DGKE: variants seen among roughly 807,000 people sequenced by gnomAD.
The protein encoded by DGKE is DAG kinase epsilon.
Under a neutral mutation model 70.0 loss-of-function variants are expected in DGKE, and 53 were observed. The observed-to-expected ratio is 0.76, with a 90% CI of 0.61 to 0.95. The LOEUF is 0.95. Among genes scored for constraint, DGKE ranks in the 40% least tolerant of loss-of-function variants. DGKE has a pLI of 0.00. For synonymous variants in DGKE, 291 were observed against 257.0 expected (o/e 1.13, Z -1.27); for missense variants, 655 against 706.9 (o/e 0.93, Z 0.83).
At position 56,835,095 on chromosome 17, in the gene DGKE, G is replaced by C. The variant is rs969844522; in HGVS notation, c.300G>C (p.Arg100Ser). Reference sequence around the variant, plus strand: ...TCCGCGTGGACGAGGGCTGCCTCAGGAAGGCCGACAAGCGCTTCCAGTGCA... The same window carrying C: ...TCCGCGTGGACGAGGGCTGCCTCAGCAAGGCCGACAAGCGCTTCCAGTGCA... ...CGLRVDEGCL[R>S]KADKRFQCKE... Residue 100 changes from arginine (R) to serine (S), a missense_variant, in exon 2 of 12, where the codon AGG becomes AGC. Physicochemically the swap from Arg to Ser is moderately radical, Grantham distance 110. Transcript: ENST00000284061. 3 of 1,613,674 alleles carry C rather than the reference G, an allele frequency of 1.9e-6. No individual in the cohort carries two copies. The highest frequency in any genetic ancestry group is 1.7e-5 in the Admixed American group (1 of 60,018).
At chr17:56,859,446 G>A (rs1908155342) in intron 9 of DGKE, among the ~76,000 whole-genome samples, 1 of 150,142 alleles carries the variant, frequency 6.7e-6, no homozygotes, top group Non-Finnish European at 1.5e-5. Flanking sequence ...TTGAGATGGA[G>A]TCTCACTCTG....
intron 9 of DGKE, among the ~76,000 whole-genome samples, chr17:56,860,876 A>G (rs1356626538): frequency 6.6e-6 from 1 of 152,214 alleles, no homozygotes; most frequent in East Asian, 1.9e-4. Flanking sequence ...GATGGACAGA[A>G]GTCAAATCAC....
At position 56,863,756 on chromosome 17, in the gene DGKE, CTT is replaced by C. The variant is rs1293818536; in HGVS notation, c.*967_*968del. ...CTTAGGGAGGTAAGTGGACAGAAAT[CTT>C]TGCTAAAATGTTTATATCATATTTA... On this transcript the variant is annotated 3_prime_UTR_variant, in exon 12 of 12. Coordinates refer to ENST00000284061, the MANE Select transcript of DGKE (RefSeq NM_003647.3). The C allele has an allele frequency of 6.6e-6, 1 of 152,068 alleles. No individual in the cohort carries two copies. The highest frequency in any genetic ancestry group is 1.5e-5 in the Non-Finnish European group (1 of 68,012). The allele number at this position is 152,068 out of a possible 1,614,324, so 9.4% of individuals were successfully genotyped here.
At position 56,861,894 on chromosome 17, in the gene DGKE, G is replaced by C; in HGVS notation, c.1388G>C (p.Gly463Ala). ...GGGCRLWEGM[G>A]DETYPLARHD... The stretch of plus-strand genomic sequence containing the variant: ...GGCTGCAGACTATGGGAAGGGATGG[G>C]GGACGAGACTTACCCTCTAGCCAGG... Residue 463 changes from glycine (G) to alanine (A), a missense_variant, in exon 10 of 12, where the codon GGG becomes GCG. Transcript: ENST00000284061. 6.2e-7 allele frequency: 1 copy of C among 1,611,776 alleles called. No individual in the cohort carries two copies. Among genetic ancestry groups the C allele is most frequent in the Non-Finnish European group, 8.5e-7 (1 of 1,179,558 alleles).
intron 2 of DGKE, among the ~76,000 whole-genome samples, chr17:56,839,785 T>C (rs1262474498): frequency 2.0e-5 from 3 of 152,154 alleles, no homozygotes; most frequent in Non-Finnish European, 4.4e-5. Context: ...CCTCCCAAAG[T>C]GCTGGGATTG....
intron 3 of DGKE, among the ~76,000 whole-genome samples, chr17:56,844,994 T>A (rs1418347824): frequency 1.3e-5 from 2 of 152,160 alleles, no homozygotes; most frequent in Admixed American, 1.3e-4. Context: ...CATTTTAAAT[T>A]TTTCAAACAA....
At chr17:56,853,177 A>G (rs1023084558) in intron 7 of DGKE, among the ~76,000 whole-genome samples, 5 of 152,224 alleles carry the variant, frequency 3.3e-5, no homozygotes, top group Non-Finnish European at 7.3e-5. Flanking sequence ...AGTTCCTTCT[A>G]CATTTTGGAG....
At chr17:56,857,372 C>T (rs757587587) in intron 8 of DGKE, among the ~76,000 whole-genome samples, 2 of 152,288 alleles carry the variant, frequency 1.3e-5, no homozygotes, top group Non-Finnish European at 2.9e-5. Flanking sequence ...CAGCTTTGAA[C>T]TAAGGTCATC....
chr17:56,862,399 G>C, intron 11 of DGKE, 148 bp downstream of exon 11: 1 of 899,468 alleles, frequency 1.1e-6, no homozygotes, highest in East Asian at 2.7e-5. Context: ...AGAGTGGGAT[G>C]AGGAAGAAAC....
intron 4 of DGKE, among the ~76,000 whole-genome samples, chr17:56,846,601 GAATAT>G (rs1907301080): frequency 6.6e-6 from 1 of 151,848 alleles, no homozygotes; most frequent in Non-Finnish European, 1.5e-5. Flanking sequence ...CGTTAAAATT[GAATAT>G]AATTTTACTT....
chr17:56,848,692 C>T lies in DGKE; in HGVS notation c.889-4C>T. ...AAATCTAAAACATATCTTCCATATT[C>T]TAGGGACAAGAAAAGTACATTCCAC... On this transcript the variant is annotated splice_region_variant and splice_polypyrimidine_tract_variant and intron_variant, in intron 5 of 11. Coordinates refer to ENST00000284061, the MANE Select transcript of DGKE (RefSeq NM_003647.3). 5 of 1,613,378 alleles carry T rather than the reference C, an allele frequency of 3.1e-6. No homozygotes were observed. The highest frequency in any genetic ancestry group is 4.2e-6 in the Non-Finnish European group (5 of 1,179,642).
chr17:56,844,783 T>C (rs78741185), intron 3 of DGKE, among the ~76,000 whole-genome samples: 2,525 of 152,302 alleles, frequency 0.017, 64 homozygotes, highest in African/African-American at 0.058. Flanking sequence ...GATGTAGATA[T>C]GTGTATGAAA....
intron 2 of DGKE, chr17:56,835,485 T>A (rs1290215844): frequency 7.2e-6 from 4 of 559,142 alleles, no homozygotes; most frequent in Non-Finnish European, 1.2e-5. Context: ...CCTGCCCTTT[T>A]GGGTAATAAA....
intron 7 of DGKE, among the ~76,000 whole-genome samples, chr17:56,855,229 A>G (rs1161920103): frequency 6.6e-6 from 1 of 152,034 alleles, no homozygotes. Flanking sequence ...TGAAAATTAT[A>G]TTTTGGCAGT....
intron 2 of DGKE, among the ~76,000 whole-genome samples, chr17:56,837,628 A>G (rs1266524258): frequency 1.3e-5 from 2 of 152,244 alleles, no homozygotes; most frequent in Non-Finnish European, 2.9e-5. Flanking sequence ...GACCTTCTGT[A>G]GGAATGAGAT....
At position 56,862,407 on chromosome 17, in the gene DGKE, A is replaced by C. The variant is rs1598051359; in HGVS notation, c.1524+156A>C. 3.4e-6 allele frequency: 3 copies of C among 895,086 alleles called. No homozygotes were observed. The East Asian group carries it at 8.0e-5, about 24-fold the overall frequency. 55.4% of individuals were successfully genotyped at this position (895,086 alleles called of 1,614,324 possible). On this transcript the variant is annotated intron_variant, in intron 11 of 11. Transcript: ENST00000284061. ...AGCGGCTAGAGTGGGATGAGGAAGA[A>C]ACAGAAACATGGCTCAAGATCCATG...
At chr17:56,838,532 A>G (rs1598016591) in intron 2 of DGKE, 1 of 152,244 alleles carries the variant, frequency 6.6e-6, no homozygotes. Context: ...GATGGCAGAC[A>G]TATTTGCAGT....
chr17:56,862,812 T>G lies in DGKE; in HGVS notation c.*21T>G. On this transcript the variant is annotated 3_prime_UTR_variant, in exon 12 of 12. Coordinates refer to ENST00000284061, the MANE Select transcript of DGKE (RefSeq NM_003647.3). ...AATAGATGGATGAGGGAGTGAAAACTTTGCATAGAATCCTCACGCAAGTAG... is the reference window on the plus strand; with the variant it reads ...AATAGATGGATGAGGGAGTGAAAACGTTGCATAGAATCCTCACGCAAGTAG... The G allele has an allele frequency of 6.7e-7, 1 of 1,502,436 alleles. No individual in the cohort carries two copies. Among genetic ancestry groups the G allele is most frequent in the East Asian group, 2.4e-5 (1 of 41,342 alleles). 93.1% of individuals were successfully genotyped at this position (1,502,436 alleles called of 1,614,324 possible).
Position 56,835,001 on chromosome 17 carries a change from G to C in DGKE, c.206G>C (p.Ser69Thr), listed in dbSNP as rs781129488. ...KHGWRDTDLF[S>T]QPTYCCVCAQ... is the part of the protein sequence containing the mutation. ...GGGTGGCGCGACACGGACCTGTTCA[G>C]CCAGCCCACCTACTGCTGCGTGTGC... The change falls in exon 2 of 12, where the codon AGC becomes ACC. Residue 69 changes from serine (S) to threonine (T), a missense_variant. Transcript: ENST00000284061. 6.2e-7 allele frequency: 1 copy of C among 1,612,632 alleles called. No homozygotes were observed. The highest frequency in any genetic ancestry group is 8.5e-7 in the Non-Finnish European group (1 of 1,179,998).
Sources: gnomAD v4.1 joint callset for allele counts (sites outside exome capture counted in the v4.1 genomes callset) on GRCh38, gnomAD v4.1.1 for gene constraint, MANE v1.5 for transcripts, NCBI Gene and HGNC (gene_info 2026-07-23, HGNC 2026-07-21) for gene names.